The following HID1 variants were observed in gnomAD, a reference collection of about 807,000 sequenced individuals.
The protein encoded by HID1 is protein HID1.
A neutral mutation model predicts 89.7 loss-of-function variants in HID1; 42 were observed. The observed-to-expected ratio is 0.47, with a 90% confidence interval of 0.37 to 0.61. The LOEUF (loss-of-function observed/expected upper bound fraction) is 0.61. Among genes scored for constraint, HID1 ranks in the 20% least tolerant of loss-of-function variants. HID1 has a pLI of 0.00. For synonymous variants in HID1, 442 were observed against 433.8 expected (o/e 1.02, Z -0.24); for missense variants, 854 against 1,039.3 (o/e 0.82, Z 2.45).
At position 74,952,907 on chromosome 17, in the gene HID1, T is replaced by G. The variant is rs920823141; in HGVS notation, c.2052+99A>C. The G allele has an allele frequency of 1.0e-4, 90 of 900,688 alleles. No homozygotes were observed. The African/African-American group carries it at 1.3e-3, about 13-fold the overall frequency. The allele number at this position is 900,688 out of a possible 1,614,324, so 55.8% of individuals were successfully genotyped here. A position where few individuals can be genotyped will look rare whatever the true frequency, so the allele number is the denominator to read the frequency against. ...GATTCGGACATCTTGCCATCTTCAC[T>G]GAGCTTCCCTGGGCCAAGGAGCCCC... is the stretch of plus-strand genomic sequence containing the variant. On this transcript the variant is annotated intron_variant, in intron 16 of 18. Coordinates refer to ENST00000425042, the MANE Select transcript of HID1 (RefSeq NM_030630.3).
chr17:74,951,328 T>C lies in HID1; in HGVS notation c.*242A>G. The stretch of plus-strand genomic sequence containing the variant: ...GGAGTCCGAGTGTTGGGGGCAGTGG[T>C]CTCTGGTGGGGGCATAGCCCCAGAG... On this transcript the variant is annotated 3_prime_UTR_variant, in exon 19 of 19. Transcript: ENST00000425042. 1 of 571,538 alleles carries C rather than the reference T, an allele frequency of 1.7e-6. No individual in the cohort carries two copies. Among genetic ancestry groups the C allele is most frequent in the Non-Finnish European group, 3.1e-6 (1 of 321,760 alleles). 35.4% of individuals were successfully genotyped at this position (571,538 alleles called of 1,614,324 possible). A position where few individuals can be genotyped will look rare whatever the true frequency, so the allele number is the denominator to read the frequency against.
chr17:74,953,481 T>C, intron 15 of HID1, 64 bp downstream of exon 15: 2 of 1,386,600 alleles, frequency 1.4e-6, no homozygotes, highest in Non-Finnish European at 2.0e-6. Context: ...CAGCCCCTAC[T>C]GCAGAGACCA....
chr17:74,968,997 G>A (rs146416329), intron 1 of HID1, among the ~76,000 whole-genome samples: 242 of 152,260 alleles, frequency 1.6e-3, no homozygotes, highest in Admixed American at 7.8e-3. Flanking sequence ...CTCAGCTTGG[G>A]CCTCCTCTCC....
chr17:74,956,626 C>T (rs1331243387), intron 12 of HID1, among the ~76,000 whole-genome samples: 1 of 152,164 alleles, frequency 6.6e-6, no homozygotes, highest in Non-Finnish European at 1.5e-5. Flanking sequence ...AGTCCTGACC[C>T]CAAAGCTCAC....
Position 74,958,373 on chromosome 17 carries a change from A to C in HID1, c.1346T>G (p.Met449Arg). 1.9e-6 allele frequency: 3 copies of C among 1,613,096 alleles called. No individual in the cohort carries two copies. Among genetic ancestry groups the C allele is most frequent in the Non-Finnish European group, 2.5e-6 (3 of 1,179,642 alleles). The stretch of plus-strand genomic sequence containing the variant: ...GGTCCCTGTGAAGACTGGGATGTCC[A>C]TGGGCACGCGGATTGAGTAGGGTTT... ...LNKPYSIRVPMDIPVFTGTHA... is the reference protein window; with the variant it reads ...LNKPYSIRVPRDIPVFTGTHA... The change falls in exon 11 of 19, where the codon ATG (methionine) becomes AGG (arginine). Residue 449 changes from methionine to arginine, a missense_variant. Met to Arg is a moderately conservative substitution (Grantham distance 91). Coordinates refer to ENST00000425042, the MANE Select transcript of HID1 (RefSeq NM_030630.3). The surrounding 1 kb of genome is among the most constrained non-coding windows in gnomAD (Gnocchi z 5.2).
intron 12 of HID1, chr17:74,957,837 T>G: frequency 2.9e-6 from 1 of 346,338 alleles, no homozygotes; most frequent in South Asian, 2.9e-5. Flanking sequence ...GGGGCGGAGG[T>G]TGCAGTGAGC....
chr17:74,963,793 G>T lies in HID1; in HGVS notation c.334C>A (p.Pro112Thr). Reference protein sequence around the residue: ...TRVLPYIFEDPDWRGFFWSTV... With the variant: ...TRVLPYIFEDTDWRGFFWSTV... ...GACCAGAAGAAGCCCCTCCAGTCGG[G>T]GTCCTCAAAGATGTAGGGCAGCACG... Residue 112 changes from proline to threonine, a missense_variant, in exon 3 of 19, where the codon CCC (proline) becomes ACC (threonine). Transcript: ENST00000425042. The T allele has an allele frequency of 6.2e-7, 1 of 1,614,060 alleles. No homozygotes were observed. The highest frequency in any genetic ancestry group is 8.5e-7 in the Non-Finnish European group (1 of 1,179,992).
At chr17:74,961,825 G>T (rs778564059) in intron 6 of HID1, 48 bp downstream of exon 6, 7 of 1,207,346 alleles carry the variant, frequency 5.8e-6, no homozygotes, top group African/African-American at 1.6e-5. Flanking sequence ...GCTCTGGATT[G>T]CCTGGAATAA....
chr17:74,963,545 A>G, intron 3 of HID1, 195 bp downstream of exon 3: 1 of 608,026 alleles, frequency 1.6e-6, no homozygotes, highest in South Asian at 2.1e-5. Context: ...CTGTGGGCAC[A>G]GAAACCCCCA....
chr17:74,951,617 C>T lies in HID1; in HGVS notation c.2320G>A (p.Val774Ile), dbSNP rs1235679948. The change falls in exon 19 of 19, where the codon GTC becomes ATC. Residue 774 changes from valine (V) to isoleucine (I), a missense_variant. Val to Ile is a conservative substitution (Grantham distance 29). Coordinates refer to ENST00000425042, the MANE Select transcript of HID1 (RefSeq NM_030630.3). ...AGCTTCACGTCGGTGTCGTACCAGA[C>T]AGGGGGGTCCACATTCCTGTGGAGG... ...VIYLRNVDPP[V>I]WYDTDVKLFE... 1 of 1,612,792 alleles carries T rather than the reference C, an allele frequency of 6.2e-7. No individual in the cohort carries two copies. The highest frequency in any genetic ancestry group is 1.7e-5 in the Admixed American group (1 of 59,778).
chr17:74,963,448 G>C, intron 3 of HID1: 1 of 511,334 alleles, frequency 2.0e-6, no homozygotes, highest in Non-Finnish European at 3.5e-6. Context: ...TCCCTCTCCG[G>C]CCCTCAGAGG....
At chr17:74,952,187 G>A in intron 17 of HID1, 82 bp downstream of exon 17, 1 of 1,527,670 alleles carries the variant, frequency 6.5e-7, no homozygotes, top group Non-Finnish European at 9.0e-7. Context: ...GCCCCGCCCA[G>A]AGCCCACCTG....
chr17:74,957,294 C>A (rs1255488902), intron 12 of HID1, among the ~76,000 whole-genome samples: 3 of 146,004 alleles, frequency 2.1e-5, no homozygotes, highest in African/African-American at 5.1e-5. Context: ...GCCAACATGG[C>A]AAAACTCTGT....
At position 74,972,298 on chromosome 17, in the gene HID1, G is replaced by A. The variant is rs1388793694; in HGVS notation, c.66+293C>T. Among the ~76,000 whole-genome samples, 1 of 152,072 alleles carries A rather than the reference G, an allele frequency of 6.6e-6. No individual in the cohort carries two copies. The highest frequency in any genetic ancestry group is 6.5e-5 in the Admixed American group (1 of 15,280). ...GGGACGCCGCGGGGCGGGACAGGGG[G>A]CGGACAGCTGTGTCGCCGGCTCGGG... On this transcript the variant is annotated intron_variant, in intron 1 of 18. Transcript: ENST00000425042. The surrounding 1 kb of genome is among the most constrained non-coding windows in gnomAD (Gnocchi z 6.4).
intron 6 of HID1, 72 bp from the exon 7 acceptor site, chr17:74,960,320 A>C: frequency 7.5e-7 from 1 of 1,339,638 alleles, no homozygotes; most frequent in Non-Finnish European, 1.0e-6. Context: ...CTCTCTGGCC[A>C]CGTGGGAAGG....
chr17:74,956,493 C>T lies in HID1; in HGVS notation c.1472-537G>A, dbSNP rs538210146. Among the ~76,000 whole-genome samples the T allele has an allele frequency of 4.2e-4, 64 of 152,306 alleles. No homozygotes were observed. The South Asian group carries it at 0.013, about 31-fold the overall frequency. On this transcript the variant is annotated intron_variant, in intron 12 of 18. Coordinates refer to ENST00000425042, the MANE Select transcript of HID1 (RefSeq NM_030630.3). ...TTCCTTGTCTTGTGTCATTTTCCCT[C>T]ACTAGGCTGAGGGCTCCACAGGGCA...
chr17:74,954,665 C>T, intron 13 of HID1: 1 of 466,922 alleles, frequency 2.1e-6, no homozygotes, highest in Non-Finnish European at 3.9e-6. Context: ...AAAGTACAGG[C>T]CCCAGCATGG....
intron 12 of HID1, among the ~76,000 whole-genome samples, chr17:74,957,729 G>A (rs573031101): frequency 4.5e-4 from 68 of 151,518 alleles, no homozygotes; most frequent in East Asian, 1.4e-3. Flanking sequence ...GCAAAACCCC[G>A]TCTCTACTAA....
intron 13 of HID1, among the ~76,000 whole-genome samples, chr17:74,955,235 C>T (rs2039370793): frequency 6.6e-6 from 1 of 152,238 alleles, no homozygotes; most frequent in African/African-American, 2.4e-5. Context: ...GGACTTACTA[C>T]TCTGTACTTC....
Sources: gnomAD v4.1 joint callset for allele counts (sites outside exome capture counted in the v4.1 genomes callset) on GRCh38, gnomAD v4.1.1 for gene constraint, Gnocchi (gnomAD v3.1) non-coding constraint, MANE v1.5 for transcripts, NCBI Gene and HGNC (gene_info 2026-07-23, HGNC 2026-07-21) for gene names.